Variants in RECQL5 observed in about 807,000 individuals in gnomAD.
RECQL5 encodes the protein RecQ like helicase 5.
In RECQL5, 88 loss-of-function variants were observed where a neutral mutation model predicts 103.4. The observed-to-expected ratio is 0.85, with a 90% CI of 0.72 to 1.02. The LOEUF is 1.02. Among genes scored for constraint, RECQL5 ranks in the 50% least tolerant of loss-of-function variants. RECQL5 has a pLI of 0.00. For synonymous variants in RECQL5, 552 were observed against 507.9 expected (o/e 1.09, Z -1.17); for missense variants, 1,232 against 1,284.3 (o/e 0.96, Z 0.62).
intron 7 of RECQL5, among the ~76,000 whole-genome samples, chr17:75,656,133 G>A (rs2059616446): frequency 6.6e-6 from 1 of 152,192 alleles, no homozygotes; most frequent in African/African-American, 2.4e-5. Context: ...GGAATGCAAT[G>A]GCGCGATCTC....
At chr17:75,641,016 G>A in intron 8 of RECQL5, 1 of 1,465,120 alleles carries the variant, frequency 6.8e-7, no homozygotes, top group Non-Finnish European at 9.1e-7. Flanking sequence ...CCCCAGCTCT[G>A]GCCCAGCCCA....
At chr17:75,661,463 G>A (rs534111628) in intron 5 of RECQL5, 143 bp downstream of exon 5, 17 of 648,500 alleles carry the variant, frequency 2.6e-5, no homozygotes, top group Admixed American at 1.4e-4. Context: ...CCTTTTAGGG[G>A]ATTTAAGTGT....
rs774368045 is a variant in RECQL5 at position 75,629,167 on chromosome 17, G to A, written c.2256C>T (p.Leu752=). The change falls in exon 16 of 20, where the codon CTC becomes CTT. Residue 752 remains leucine (L), a synonymous_variant. Transcript: ENST00000317905. ...AKGRASKKQQ[L]LATAAHKDSQ... ...AATCCTTGTGGGCCGCTGTGGCTAGGAGCTGCTGTTTCTTGCTAGCCCGGC... is the reference window on the plus strand; with the variant it reads ...AATCCTTGTGGGCCGCTGTGGCTAGAAGCTGCTGTTTCTTGCTAGCCCGGC... 1.2e-6 allele frequency: 2 copies of A among 1,613,770 alleles called. No individual in the cohort carries two copies. Among genetic ancestry groups the A allele is most frequent in the Non-Finnish European group, 1.7e-6 (2 of 1,180,000 alleles).
intron 7 of RECQL5, among the ~76,000 whole-genome samples, chr17:75,658,006 C>A (rs929719824): frequency 1.3e-5 from 2 of 151,938 alleles, no homozygotes; most frequent in African/African-American, 4.8e-5. Context: ...CGAGTTCATG[C>A]CATTGCACTC....
Position 75,630,664 on chromosome 17 carries a change from T to G in RECQL5, c.1673A>C (p.Glu558Ala). ...CTGGCGGTTGCTGCTCAGCGCCTCC[T>G]CCAGAAGCCGCAGGCAGTGCTCCCG... ...KAREHCLRLL[E>A]EALSSNRQST... The change falls in exon 13 of 20, where the codon GAG becomes GCG. Residue 558 changes from glutamate (E) to alanine (A), a missense_variant. Glu to Ala is a moderately radical substitution (Grantham distance 107, BLOSUM62 -1). Transcript: ENST00000317905. 1 of 1,613,268 alleles carries G rather than the reference T, an allele frequency of 6.2e-7. No individual in the cohort carries two copies. The highest frequency in any genetic ancestry group is 8.5e-7 in the Non-Finnish European group (1 of 1,179,896).
chr17:75,655,871 C>T (rs1475956980), intron 7 of RECQL5, among the ~76,000 whole-genome samples: 2 of 151,538 alleles, frequency 1.3e-5, no homozygotes, highest in Non-Finnish European at 2.9e-5. Flanking sequence ...TTGTTAGAGA[C>T]GGGCTTCACT....
At chr17:75,661,761 GC>G in intron 4 of RECQL5, 53 bp from the exon 5 acceptor site, 1 of 1,374,168 alleles carries the variant, frequency 7.3e-7, no homozygotes, top group Non-Finnish European at 1.0e-6. Flanking sequence ...AGAACAATAG[GC>G]CCAGTGTAAT....
At chr17:75,650,949 G>T in intron 8 of RECQL5, 1 of 1,454,636 alleles carries the variant, frequency 6.9e-7, no homozygotes, top group African/African-American at 1.4e-5. Flanking sequence ...AGGGTGGAGT[G>T]GAGGGAAGGA....
chr17:75,649,964 A>T (rs2059534510), intron 8 of RECQL5: 1 of 985,600 alleles, frequency 1.0e-6, no homozygotes, highest in African/African-American at 1.7e-5. Flanking sequence ...CTTGCCTGGC[A>T]GGCGGAGCAG....
In RECQL5 at chr17:75,662,845, T is replaced by G. The variant is rs959568376; in HGVS notation, c.405A>C (p.Ser135=). The G allele has an allele frequency of 1.2e-6, 2 of 1,614,164 alleles. No homozygotes were observed. Among genetic ancestry groups the G allele is most frequent in the African/African-American group, 2.7e-5 (2 of 75,058 alleles). Residue 135 remains serine (S), a synonymous_variant, in exon 4 of 20, where the codon TCA becomes TCC. Coordinates refer to ENST00000317905, the MANE Select transcript of RECQL5 (RefSeq NM_004259.7). ...AGTTCAGGGTGGGCTGGAAGGAGGA[T>G]GAAGCTGCCATCTCTGGGGTGATGT... The part of the protein sequence containing the change: ...ILYITPEMAA[S]SSFQPTLNSL...
In RECQL5 at chr17:75,628,386, G is replaced by C. The variant is rs140010427; in HGVS notation, c.2637C>G (p.Val879=). The C allele has an allele frequency of 6.2e-7, 1 of 1,613,872 alleles. No individual in the cohort carries two copies. Among genetic ancestry groups the C allele is most frequent in the Non-Finnish European group, 8.5e-7 (1 of 1,180,036 alleles). The change falls in exon 18 of 20, where the codon GTC becomes GTG. Residue 879 remains valine (V), a synonymous_variant. Transcript: ENST00000317905. ...AGACGCTGCCCTTGACCTCAGCTACGACGGAGGGCTTGGCTGAGGGGCGTG... is the reference window on the plus strand; with the variant it reads ...AGACGCTGCCCTTGACCTCAGCTACCACGGAGGGCTTGGCTGAGGGGCGTG... ...KRPRPSAKPS[V]VAEVKGSVSA...
chr17:75,656,392 T>C (rs2059620691), intron 7 of RECQL5, among the ~76,000 whole-genome samples: 2 of 152,314 alleles, frequency 1.3e-5, no homozygotes, highest in South Asian at 4.1e-4. Context: ...GGGGAGCTTT[T>C]TGAAAAAAAC....
chr17:75,646,552 G>A (rs1165456297), intron 8 of RECQL5: 1 of 152,392 alleles, frequency 6.6e-6, no homozygotes, highest in African/African-American at 2.4e-5. Flanking sequence ...GGGAGCCGTG[G>A]TTGCCAGGCA....
intron 8 of RECQL5, chr17:75,634,174 T>C: frequency 1.0e-6 from 1 of 985,452 alleles, no homozygotes; most frequent in Non-Finnish European, 1.2e-6. Context: ...GGGGCACTGC[T>C]GCTCAGCCCC....
chr17:75,663,846 G>A (rs1274955227), intron 3 of RECQL5, among the ~76,000 whole-genome samples: 3 of 152,116 alleles, frequency 2.0e-5, no homozygotes, highest in Non-Finnish European at 4.4e-5. Context: ...CCTGAGGTCA[G>A]GAGTTCGAGA....
At chr17:75,638,347 G>A (rs558235641) in intron 8 of RECQL5, 1 of 152,396 alleles carries the variant, frequency 6.6e-6, no homozygotes, top group Non-Finnish European at 1.5e-5. Flanking sequence ...CGGGCATGGT[G>A]GCGCACACTC....
intron 5 of RECQL5, among the ~76,000 whole-genome samples, chr17:75,661,398 T>C (rs1034611912): frequency 1.3e-5 from 2 of 152,180 alleles, no homozygotes; most frequent in Non-Finnish European, 2.9e-5. Flanking sequence ...AGGCATACAG[T>C]GGGAAGAACT....
chr17:75,644,059 T>G (rs1360184961), intron 8 of RECQL5, among the ~76,000 whole-genome samples: 1 of 152,214 alleles, frequency 6.6e-6, no homozygotes, highest in Non-Finnish European at 1.5e-5. Context: ...ATCCCAGCAC[T>G]TTGGGAGGCT....
chr17:75,660,359 T>G (rs1339101699), intron 6 of RECQL5, among the ~76,000 whole-genome samples: 1 of 152,248 alleles, frequency 6.6e-6, no homozygotes, highest in Non-Finnish European at 1.5e-5. Context: ...TGTGGACCAC[T>G]GTGCCCGGCC....
Sources: gnomAD v4.1 joint callset for allele counts (sites outside exome capture counted in the v4.1 genomes callset) on GRCh38, gnomAD v4.1.1 for gene constraint, MANE v1.5 for transcripts, NCBI Gene and HGNC (gene_info 2026-07-23, HGNC 2026-07-21) for gene names.